COL18A1: variants seen among roughly 807,000 people sequenced by gnomAD.
The protein encoded by COL18A1 is collagen alpha-1(XVIII) chain.
A neutral mutation model predicts 168.0 loss-of-function variants in COL18A1; 133 were observed. The observed-to-expected ratio is 0.79, with a 90% CI of 0.69 to 0.91. COL18A1 has a LOEUF of 0.91. Among genes scored for constraint, COL18A1 ranks in the 40% least tolerant of loss-of-function variants. COL18A1 has a pLI of 0.00. For missense variants in COL18A1, 2,126 were observed against 1,925.4 expected (o/e 1.10, Z -1.95); for synonymous variants, 949 against 809.0 (o/e 1.17, Z -2.94).
At chr21:45,484,649 C>T (rs965777060) in intron 15 of COL18A1, among the ~76,000 whole-genome samples, 4 of 149,492 alleles carry the variant, frequency 2.7e-5, no homozygotes, top group African/African-American at 9.8e-5. Flanking sequence ...GCACACGCAT[C>T]TCTTATGTGC....
intron 2 of COL18A1, among the ~76,000 whole-genome samples, chr21:45,458,415 C>T (rs2034922423): frequency 6.6e-6 from 1 of 152,022 alleles, no homozygotes; most frequent in Non-Finnish European, 1.5e-5. Flanking sequence ...GAGGCAGGGG[C>T]TGTGCCCGCG....
At chr21:45,478,872 G>A (rs556601130) in intron 9 of COL18A1, among the ~76,000 whole-genome samples, 18 of 152,334 alleles carry the variant, frequency 1.2e-4, no homozygotes, top group African/African-American at 4.3e-4. Flanking sequence ...GGGCCGTCAC[G>A]AACGCTGGAC....
intron 2 of COL18A1, among the ~76,000 whole-genome samples, chr21:45,428,551 T>C (rs1234726780): frequency 6.6e-6 from 1 of 152,260 alleles, no homozygotes; most frequent in Non-Finnish European, 1.5e-5. Flanking sequence ...GCCAGAAGGC[T>C]GTGCAGCCAT....
At chr21:45,406,958 G>A (rs1467052840) in intron 2 of COL18A1, among the ~76,000 whole-genome samples, 1 of 152,254 alleles carries the variant, frequency 6.6e-6, no homozygotes, top group Admixed American at 6.5e-5. Context: ...TCCCGGGCCT[G>A]CCCCAGCCTC....
In COL18A1 at chr21:45,473,390, T is replaced by G. The variant is rs1480078016; in HGVS notation, c.652-505T>G. ...CTCCCCTACATCTGCGGCGTTTCTG[T>G]CCTTGGCTTCTGGGTTTTGTTTTTG... On this transcript the variant is annotated intron_variant, in intron 3 of 41. Transcript: ENST00000651438. This position sits in a 1 kb window ranked among gnomAD's most constrained non-coding sequence, Gnocchi z 4.0. Among the ~76,000 whole-genome samples, 1 of 152,222 alleles carries G rather than the reference T, an allele frequency of 6.6e-6. No individual in the cohort carries two copies. The highest frequency in any genetic ancestry group is 2.4e-5 in the African/African-American group (1 of 41,468).
At position 45,489,418 on chromosome 21, in the gene COL18A1, G is replaced by A. The variant is rs780052408; in HGVS notation, c.1924-68G>A. The A allele has an allele frequency of 2.4e-5, 29 of 1,191,428 alleles. No individual in the cohort carries two copies. Among genetic ancestry groups the A allele is most frequent in the Non-Finnish European group, 3.4e-5 (28 of 818,534 alleles). The allele number at this position is 1,191,428 out of a possible 1,614,324, so 73.8% of individuals were successfully genotyped here. On this transcript the variant is annotated intron_variant, in intron 18 of 41. Coordinates refer to ENST00000651438, the MANE Select transcript of COL18A1 (RefSeq NM_001379500.1). ...GGGTAACTCACCCTTCCCTTCACCC[G>A]GGGTGGACGCTGCCTGAGGACTGGG...
chr21:45,470,425 C>A (rs201007155), intron 3 of COL18A1, among the ~76,000 whole-genome samples: 1 of 37,114 alleles, frequency 2.7e-5, no homozygotes, highest in Non-Finnish European at 5.1e-5. Context: ...TTTACCTTGT[C>A]TTTTTTTTTT....
Position 45,423,483 on chromosome 21 carries a change from GCCCGCCCCCCGCCC to G in COL18A1, c.106+18022_106+18035del, listed in dbSNP as rs762539241. 1.1e-4 allele frequency among the ~76,000 whole-genome samples: 17 copies of G among 150,096 alleles called. No individual in the cohort carries two copies. Among genetic ancestry groups the G allele is most frequent in the East Asian group, 2.0e-4 (1 of 5,086 alleles). ...AAGCTGTGTCCACACACAGCTGGGC[GCCCGCCCCCCGCCC>G]CCCGCCCCCCGGAGGGCCCGGCTCC... On this transcript the variant is annotated intron_variant, in intron 2 of 41. Coordinates refer to ENST00000651438, the MANE Select transcript of COL18A1 (RefSeq NM_001379500.1). This position sits in a 1 kb window ranked among gnomAD's most constrained non-coding sequence, Gnocchi z 4.0.
At position 45,471,962 on chromosome 21, in the gene COL18A1, G is replaced by A. The variant is rs570324983; in HGVS notation, c.652-1933G>A. ...CACCCCCGGAGCCAGCGGCCACCAC[G>A]GGCTCAGAGCTTCTCTGCCCTCTGT... is the stretch of plus-strand genomic sequence containing the variant. On this transcript the variant is annotated intron_variant, in intron 3 of 41. Transcript: ENST00000651438. The surrounding 1 kb of genome is among the most constrained non-coding windows in gnomAD (Gnocchi z 4.4). Among the ~76,000 whole-genome samples, 6 of 152,268 alleles carry A rather than the reference G, an allele frequency of 3.9e-5. No individual in the cohort carries two copies. The highest frequency in any genetic ancestry group is 9.6e-5 in the African/African-American group (4 of 41,544).
chr21:45,452,673 T>C (rs2034653102), intron 2 of COL18A1, among the ~76,000 whole-genome samples: 1 of 150,460 alleles, frequency 6.6e-6, no homozygotes, highest in Non-Finnish European at 1.5e-5. Flanking sequence ...TATTCATGTG[T>C]GACATGTGTG....
intron 25 of COL18A1, 100 bp from the exon 26 acceptor site, chr21:45,493,401 C>T: frequency 7.6e-7 from 1 of 1,311,916 alleles, no homozygotes; most frequent in South Asian, 1.3e-5. Flanking sequence ...AGGACCCAGC[C>T]TGCGAGGCCC....
chr21:45,426,852 C>G (rs576074772), intron 2 of COL18A1, among the ~76,000 whole-genome samples: 77 of 152,358 alleles, frequency 5.1e-4, no homozygotes, highest in African/African-American at 1.8e-3. Context: ...GGTACCCATG[C>G]TGCTGGGACT....
At chr21:45,488,331 T>G (rs1258966384) in intron 17 of COL18A1, 87 bp from the exon 18 acceptor site, 3 of 1,566,258 alleles carry the variant, frequency 1.9e-6, no homozygotes, top group Non-Finnish European at 2.6e-6. Flanking sequence ...AAGTCTTGAC[T>G]GTTACTAGCG....
intron 2 of COL18A1, chr21:45,455,766 G>C (rs1214606688): frequency 1.2e-6 from 2 of 1,613,786 alleles, no homozygotes; most frequent in South Asian, 1.1e-5. Context: ...GCCCCTGGCA[G>C]CCCTGAGCCA....
intron 38 of COL18A1, among the ~76,000 whole-genome samples, chr21:45,508,910 C>T (rs2037409773): frequency 6.6e-6 from 1 of 152,084 alleles, no homozygotes. Context: ...GGGAAAGGTG[C>T]AGAATCAATA....
At chr21:45,451,851 C>T (rs915904927) in intron 2 of COL18A1, among the ~76,000 whole-genome samples, 1 of 152,224 alleles carries the variant, frequency 6.6e-6, no homozygotes, top group African/African-American at 2.4e-5. Context: ...TCCATGGGCC[C>T]TCTTCCTCCT....
In COL18A1 at chr21:45,405,415, G is replaced by C; in HGVS notation, c.48G>C (p.Leu16=). ...PWPWPRRRRL[L]DVLAPLVLLL... ...CATGGCCGCGGCGGCGGCGCCTCCT[G>C]GACGTGCTCGCGCCCCTGGTCCTGC... The change falls in exon 2 of 42, where the codon CTG becomes CTC. Residue 16 remains leucine, a synonymous_variant. Coordinates refer to ENST00000651438, the MANE Select transcript of COL18A1 (RefSeq NM_001379500.1). 7.4e-7 allele frequency: 1 copy of C among 1,355,590 alleles called. No individual in the cohort carries two copies. Among genetic ancestry groups the C allele is most frequent in the Non-Finnish European group, 9.6e-7 (1 of 1,046,702 alleles). The allele number at this position is 1,355,590 out of a possible 1,614,324, so 84.0% of individuals were successfully genotyped here.
At chr21:45,446,947 CCATT>C (rs984693672) in intron 2 of COL18A1, among the ~76,000 whole-genome samples, 8 of 152,188 alleles carry the variant, frequency 5.3e-5, no homozygotes, top group Non-Finnish European at 8.8e-5. Flanking sequence ...AAATTCAACA[CCATT>C]CATGAAAAAC....
intron 2 of COL18A1, among the ~76,000 whole-genome samples, chr21:45,422,183 C>A (rs1346885988): frequency 1.3e-5 from 2 of 152,218 alleles, no homozygotes; most frequent in Non-Finnish European, 1.5e-5. Flanking sequence ...CACACACACA[C>A]ACATGCAGGC....
Sources: allele counts gnomAD v4.1 joint callset (sites outside exome capture counted in the v4.1 genomes callset), GRCh38; gene constraint gnomAD v4.1.1; non-coding constraint Gnocchi (gnomAD v3.1); transcripts MANE v1.5; gene names NCBI Gene and HGNC (gene_info 2026-07-23, HGNC 2026-07-21).